Variants in ZNF429 observed in about 807,000 individuals in gnomAD.
ZNF429 encodes the protein zinc finger protein 429.
In ZNF429, 53 loss-of-function variants were observed where a neutral mutation model predicts 56.8. That is an observed-to-expected ratio of 0.93 (90% CI 0.75 to 1.17). The LOEUF is 1.17. Ranked by LOEUF, ZNF429 falls within the 50% of genes most tolerant of loss-of-function variation. The pLI is 0.00. For missense variants in ZNF429, 849 were observed against 788.4 expected, an observed-to-expected ratio of 1.08 and a Z score of -0.92; for synonymous variants, 278 against 264.7, an observed-to-expected ratio of 1.05 and a Z score of -0.49.
At chr19:21,528,700 G>A (rs544130973) in intron 1 of ZNF429, among the ~76,000 whole-genome samples, 12 of 151,422 alleles carry the variant, frequency 7.9e-5, no homozygotes, top group South Asian at 2.1e-4. Context: ...GTGAGACTCC[G>A]TCTCAAAAAA....
chr19:21,528,351 T>TCTAAAAAAGAAC (rs2033244263), intron 1 of ZNF429, among the ~76,000 whole-genome samples: 1 of 152,112 alleles, frequency 6.6e-6, no homozygotes, highest in South Asian at 2.1e-4. Flanking sequence ...TAATATATAT[T>TCTAAAAAAGAAC]AGGAGGTACC....
intron 3 of ZNF429, 107 bp downstream of exon 3, chr19:21,530,791 A>G: frequency 1.1e-6 from 1 of 882,600 alleles, no homozygotes; most frequent in Non-Finnish European, 1.7e-6. Flanking sequence ...CAAAGAAAAT[A>G]TTTTCTGAAA....
intron 3 of ZNF429, 43 bp downstream of exon 3, chr19:21,530,727 C>A: frequency 7.1e-7 from 1 of 1,405,100 alleles, no homozygotes; most frequent in Non-Finnish European, 9.8e-7. Context: ...ATGAGAGGTC[C>A]CAAGGCCAAT....
At chr19:21,523,967 CCA>C (rs762186156) in intron 1 of ZNF429, among the ~76,000 whole-genome samples, 25 of 152,240 alleles carry the variant, frequency 1.6e-4, no homozygotes, top group Middle Eastern at 6.8e-3. Flanking sequence ...CAAGACAAGG[CCA>C]CACTTTGGAT....
chr19:21,523,409 C>G (rs983024840), intron 1 of ZNF429, among the ~76,000 whole-genome samples: 1 of 152,172 alleles, frequency 6.6e-6, no homozygotes. Context: ...TTGTCAAACT[C>G]GGAGAGACAT....
chr19:21,533,489 ATGT>A, intron 3 of ZNF429, among the ~76,000 whole-genome samples: 2 of 150,282 alleles, frequency 1.3e-5, no homozygotes, highest in Non-Finnish European at 3.0e-5. Context: ...CATACATTTA[ATGT>A]TGTATCTAAG....
chr19:21,535,351 T>C, intron 3 of ZNF429, among the ~76,000 whole-genome samples: 2 of 94,546 alleles, frequency 2.1e-5, no homozygotes, highest in South Asian at 3.6e-4. Flanking sequence ...TTCCTTTCCT[T>C]TCTTTTCTTC....
Position 21,536,330 on chromosome 19 carries a change from G to C in ZNF429, c.277G>C (p.Asp93His). The C allele has an allele frequency of 6.2e-7, 1 of 1,608,280 alleles. No individual in the cohort carries two copies. The highest frequency in any genetic ancestry group is 8.5e-7 in the Non-Finnish European group (1 of 1,178,082). The change falls in exon 4 of 4, where the codon GAT becomes CAT. Residue 93 changes from aspartate to histidine, a missense_variant. Coordinates refer to ENST00000358491, the MANE Select transcript of ZNF429 (RefSeq NM_001001415.4). ...EDFWPEQDIKDSFQKVTLRRY... is the reference protein window; with the variant it reads ...EDFWPEQDIKHSFQKVTLRRY... ...CTTTTGGCCAGAGCAAGACATAAAA[G>C]ATTCTTTCCAAAAAGTGACACTGAG...
chr19:21,512,546 C>G (rs2032543234), intron 1 of ZNF429, among the ~76,000 whole-genome samples: 1 of 151,348 alleles, frequency 6.6e-6, no homozygotes, highest in Non-Finnish European at 1.5e-5. Context: ...CGCCTGTAAT[C>G]CCAGCTACTT....
At chr19:21,533,249 CT>C in intron 3 of ZNF429, among the ~76,000 whole-genome samples, 2 of 151,960 alleles carry the variant, frequency 1.3e-5, no homozygotes, top group African/African-American at 4.8e-5. Context: ...AGTTGTGCGT[CT>C]TTTTTGATGA....
chr19:21,520,520 C>A (rs2032952373), intron 1 of ZNF429, among the ~76,000 whole-genome samples: 1 of 152,046 alleles, frequency 6.6e-6, no homozygotes, highest in Admixed American at 6.6e-5. Context: ...TCAAGGTTGT[C>A]TTTCTCTAGG....
In ZNF429 at chr19:21,535,406, T is replaced by TTTTC; in HGVS notation, c.227-871_227-870insCTTT. On this transcript the variant is annotated intron_variant, in intron 3 of 3. Transcript: ENST00000358491. ...TTTACTTTCTTTCTTTCTTTCTTTC[T>TTTTC]TTTTCTTTTCTTTCTTTCTTTCTTT... Among the ~76,000 whole-genome samples the TTTTC allele has an allele frequency of 2.2e-3, 41 of 18,646 alleles. 4 individuals carry two copies. Among genetic ancestry groups the TTTTC allele is most frequent in the East Asian group, 0.015 (17 of 1,130 alleles). The allele number at this position is 18,646 out of a possible 152,430, so 12.2% of individuals were successfully genotyped here.
At chr19:21,516,060 A>T (rs187541135) in intron 1 of ZNF429, among the ~76,000 whole-genome samples, 42 of 151,412 alleles carry the variant, frequency 2.8e-4, no homozygotes, top group African/African-American at 7.8e-4. Context: ...TTGTTTTTTT[A>T]AATTTTTTTA....
At chr19:21,511,929 C>T (rs1350985157) in intron 1 of ZNF429, among the ~76,000 whole-genome samples, 1 of 152,092 alleles carries the variant, frequency 6.6e-6, no homozygotes, top group Non-Finnish European at 1.5e-5. Flanking sequence ...ATACGAAAAC[C>T]AGTCAGGCGT....
intron 3 of ZNF429, among the ~76,000 whole-genome samples, chr19:21,535,080 G>T: frequency 6.7e-6 from 1 of 150,326 alleles, no homozygotes; most frequent in Admixed American, 6.6e-5. Context: ...GCCCGCCTCG[G>T]CCTCCCAAAG....
chr19:21,530,026 C>T, intron 2 of ZNF429, among the ~76,000 whole-genome samples: 1 of 151,950 alleles, frequency 6.6e-6, no homozygotes, highest in Non-Finnish European at 1.5e-5. Context: ...CCCGTCTCTA[C>T]TAAAAATACA....
chr19:21,531,984 C>T, intron 3 of ZNF429, among the ~76,000 whole-genome samples: 2 of 151,978 alleles, frequency 1.3e-5, no homozygotes, highest in Non-Finnish European at 2.9e-5. Flanking sequence ...AGTTATGGTT[C>T]CATACACTTA....
At position 21,537,365 on chromosome 19, in the gene ZNF429, T is replaced by G; in HGVS notation, c.1312T>G (p.Ser438Ala). The G allele has an allele frequency of 6.2e-7, 1 of 1,613,712 alleles. No homozygotes were observed. The highest frequency in any genetic ancestry group is 1.3e-5 in the African/African-American group (1 of 74,966). The change falls in exon 4 of 4, where the codon TCT becomes GCT. Residue 438 changes from serine to alanine, a missense_variant. Coordinates refer to ENST00000358491, the MANE Select transcript of ZNF429 (RefSeq NM_001001415.4). ...EECGKVFTYSSTLTRHKRIHT... is the reference protein window; with the variant it reads ...EECGKVFTYSATLTRHKRIHT... ...ATGTGGCAAAGTTTTTACCTATTCC[T>G]CTACACTTACTAGACATAAGAGAAT...
intron 3 of ZNF429, among the ~76,000 whole-genome samples, chr19:21,530,920 A>T: frequency 6.6e-6 from 1 of 152,082 alleles, no homozygotes; most frequent in African/African-American, 2.4e-5. Context: ...AGCCTGGCCA[A>T]CATCATGAAA....
Sources: gnomAD v4.1 joint callset for allele counts (sites outside exome capture counted in the v4.1 genomes callset) on GRCh38, gnomAD v4.1.1 for gene constraint, MANE v1.5 for transcripts, NCBI Gene and HGNC (gene_info 2026-07-23, HGNC 2026-07-21) for gene names.